The following ATXN7 variants were observed in gnomAD, a reference collection of about 807,000 sequenced individuals.
ATXN7 encodes ataxin 7.
ATXN7 carries 12 observed loss-of-function variants against 70.5 expected under a neutral mutation model. The ratio of observed to expected loss-of-function variants is 0.17; its 90% confidence interval spans 0.11 to 0.28. The LOEUF is 0.28. Among genes scored for constraint, ATXN7 ranks in the 10% least tolerant of loss-of-function variants. The probability of loss-of-function intolerance (pLI) is 1.00; values close to 1 mark genes in which losing one functional copy is unlikely to be tolerated. For missense variants in ATXN7, 1,256 were observed against 1,131.7 expected, an observed-to-expected ratio of 1.11 and a Z score of -1.58; for synonymous variants, 498 against 448.7, an observed-to-expected ratio of 1.11 and a Z score of -1.39.
chr3:63,925,199 T>G (rs1321748911), intron 4 of ATXN7, among the ~76,000 whole-genome samples: 1 of 152,220 alleles, frequency 6.6e-6, no homozygotes, highest in Non-Finnish European at 1.5e-5. Flanking sequence ...GGAGATCATC[T>G]GTTCACAGTA....
chr3:63,899,558 G>C (rs1045358588), intron 2 of ATXN7, among the ~76,000 whole-genome samples: 1 of 151,980 alleles, frequency 6.6e-6, no homozygotes. Flanking sequence ...GATTGCTTGA[G>C]CTCTGGAGTT....
At chr3:63,947,642 T>C (rs1325390892) in intron 4 of ATXN7, among the ~76,000 whole-genome samples, 1 of 152,158 alleles carries the variant, frequency 6.6e-6, no homozygotes, top group Non-Finnish European at 1.5e-5. Context: ...AGGTCACGTT[T>C]CTTTTGATTG....
At chr3:63,872,535 T>C (rs554901794) in intron 1 of ATXN7, among the ~76,000 whole-genome samples, 71 of 152,250 alleles carry the variant, frequency 4.7e-4, no homozygotes, top group Non-Finnish European at 7.9e-4. Context: ...CTGCAAGGTT[T>C]CTGGAGGCTT....
chr3:63,998,025 A>T, intron 12 of ATXN7: 1 of 985,436 alleles, frequency 1.0e-6, no homozygotes, highest in African/African-American at 1.7e-5. Flanking sequence ...ATATAAACAC[A>T]GAAGACATGG....
intron 4 of ATXN7, among the ~76,000 whole-genome samples, chr3:63,945,404 G>T (rs898197015): frequency 6.6e-6 from 1 of 152,192 alleles, no homozygotes; most frequent in African/African-American, 2.4e-5. Flanking sequence ...TTGAAATACA[G>T]AAGTTTTACT....
At chr3:63,863,455 T>G (rs1702285927), upstream of ATXN7, 5 of 1,142,688 alleles carry the variant, frequency 4.4e-6, no homozygotes, top group Non-Finnish European at 5.4e-6. Flanking sequence ...TCTAGCCGTC[T>G]CGGCCACCCA....
Position 63,995,521 on chromosome 3 carries a change from C to A in ATXN7, c.1699C>A (p.Pro567Thr). The A allele has an allele frequency of 6.2e-7, 1 of 1,613,994 alleles. No homozygotes were observed. The highest frequency in any genetic ancestry group is 8.5e-7 in the Non-Finnish European group (1 of 1,179,980). ...TTTTTTCAGGAAAATCCCACCAGTG[C>A]CCAGTACCACCTCACCCATCTCCAC... ...AQLWKKIPPV[P>T]STTSPISTRI... Residue 567 changes from proline to threonine, a missense_variant, in exon 12 of 13, where the codon CCC becomes ACC. Coordinates refer to ENST00000674280, the MANE Select transcript of ATXN7 (RefSeq NM_001377405.1).
chr3:63,939,224 G>T (rs568110478), intron 4 of ATXN7, among the ~76,000 whole-genome samples: 3 of 152,206 alleles, frequency 2.0e-5, no homozygotes, highest in African/African-American at 7.2e-5. Flanking sequence ...CATCCATCCT[G>T]TTCTGTAAGA....
At chr3:63,897,535 T>C (rs950276196) in intron 1 of ATXN7, among the ~76,000 whole-genome samples, 1 of 152,188 alleles carries the variant, frequency 6.6e-6, no homozygotes, top group Admixed American at 6.5e-5. Context: ...CATCTTAGAG[T>C]ACATGAAAAT....
intron 8 of ATXN7, 111 bp downstream of exon 8, chr3:63,983,132 G>A (rs1157170199): frequency 1.5e-5 from 13 of 879,042 alleles, no homozygotes; most frequent in Admixed American, 2.1e-5. Context: ...TCTGTGGATT[G>A]TTGTGAATTG....
chr3:63,920,047 C>T (rs898285383), intron 4 of ATXN7, among the ~76,000 whole-genome samples: 6 of 151,986 alleles, frequency 3.9e-5, no homozygotes, highest in Non-Finnish European at 5.9e-5. Context: ...GAAGAATTCA[C>T]GGGGAAACAA....
At chr3:63,881,401 G>C (rs1345583269) in intron 1 of ATXN7, among the ~76,000 whole-genome samples, 1 of 151,978 alleles carries the variant, frequency 6.6e-6, no homozygotes, top group African/African-American at 2.4e-5. Context: ...AGTTAGTTGG[G>C]TCTAGAAGCA....
chr3:63,933,918 G>GT lies in ATXN7; in HGVS notation c.395-18450dup, dbSNP rs879877453. On this transcript the variant is annotated intron_variant, in intron 4 of 12. Coordinates refer to ENST00000674280, the MANE Select transcript of ATXN7 (RefSeq NM_001377405.1). Reference sequence around the variant, plus strand: ...GCTAGTTGATTTTCTCTTTTCTGTTGTTTTTTTTTTTCCTAAATTAGCCAG... The same window carrying GT: ...GCTAGTTGATTTTCTCTTTTCTGTTGTTTTTTTTTTTTCCTAAATTAGCCAG... 9.4e-3 allele frequency among the ~76,000 whole-genome samples: 1,364 copies of GT among 144,464 alleles called. 8 individuals are homozygous for GT. The highest frequency in any genetic ancestry group is 9.4e-3 in the Non-Finnish European group (611 of 65,302). 94.8% of individuals were successfully genotyped at this position (144,464 alleles called of 152,430 possible).
rs1655755709 is a variant in ATXN7, at chr3:63,912,878, T to C, written c.280T>C (p.Ser94Pro). ...LPSPEVMLGQSWNLWVEASKL... is the reference protein window; with the variant it reads ...LPSPEVMLGQPWNLWVEASKL... ...CAGTCCTGAAGTGATGCTGGGACAG[T>C]CGTGGAATCTGTGGGTTGAGGCTTC... Residue 94 changes from serine (S) to proline (P), a missense_variant, in exon 3 of 13, where the codon TCG becomes CCG. Physicochemically the swap from Ser to Pro is moderately conservative, Grantham distance 74 (BLOSUM62 -1). Coordinates refer to ENST00000674280, the MANE Select transcript of ATXN7 (RefSeq NM_001377405.1). 6.2e-7 allele frequency: 1 copy of C among 1,613,224 alleles called. No homozygotes were observed. The highest frequency in any genetic ancestry group is 8.5e-7 in the Non-Finnish European group (1 of 1,179,682).
At chr3:63,938,395 A>C (rs1167872630) in intron 4 of ATXN7, among the ~76,000 whole-genome samples, 1 of 152,214 alleles carries the variant, frequency 6.6e-6, no homozygotes, top group African/African-American at 2.4e-5. Flanking sequence ...TAAACAGAAA[A>C]AGCCTTTGTA....
At chr3:63,982,152 C>G (rs2075498997) in intron 6 of ATXN7, 34 bp from the exon 7 acceptor site, 2 of 1,613,218 alleles carry the variant, frequency 1.2e-6, no homozygotes, top group South Asian at 2.2e-5. Context: ...CTGAGGCACT[C>G]AGGCACTGGT....
intron 5 of ATXN7, among the ~76,000 whole-genome samples, chr3:63,967,229 A>G (rs1316293578): frequency 6.6e-6 from 1 of 152,234 alleles, no homozygotes; most frequent in Non-Finnish European, 1.5e-5. Context: ...TCTTGGATTT[A>G]AAAGTATGAA....
intron 5 of ATXN7, among the ~76,000 whole-genome samples, chr3:63,963,473 A>G (rs1056688271): frequency 6.6e-6 from 1 of 152,176 alleles, no homozygotes; most frequent in Non-Finnish European, 1.5e-5. Context: ...TATAAATCAT[A>G]CATGCTGCAT....
At chr3:63,919,403 C>T (rs1704417899) in intron 4 of ATXN7, among the ~76,000 whole-genome samples, 2 of 152,064 alleles carry the variant, frequency 1.3e-5, no homozygotes. Context: ...TCTGCAGAAT[C>T]GCAGAATACA....
Sources: allele counts gnomAD v4.1 joint callset (sites outside exome capture counted in the v4.1 genomes callset), GRCh38; gene constraint gnomAD v4.1.1; transcripts MANE v1.5; gene names NCBI Gene and HGNC (gene_info 2026-07-23, HGNC 2026-07-21).